Variants in CHID1 observed in about 807,000 individuals in gnomAD.
The protein encoded by CHID1 is chitinase domain-containing protein 1.
CHID1 carries 44 observed loss-of-function variants against 55.4 expected under a neutral mutation model. The observed-to-expected ratio is 0.79, with a 90% CI of 0.62 to 1.02. The LOEUF (loss-of-function observed/expected upper bound fraction) is 1.02, where lower values mean the gene tolerates loss of function less well. Among genes scored for constraint, CHID1 ranks in the 50% least tolerant of loss-of-function variants. The pLI, the probability that CHID1 is intolerant of heterozygous loss-of-function variation, is 0.00. For missense variants in CHID1, 491 were observed against 515.3 expected (o/e 0.95, Z 0.46); for synonymous variants, 216 against 212.9 (o/e 1.01, Z -0.13).
chr11:880,150 G>A (rs1248396858), intron 10 of CHID1, among the ~76,000 whole-genome samples: 2 of 152,236 alleles, frequency 1.3e-5, no homozygotes, highest in East Asian at 1.9e-4. Context: ...GGACCCAAAC[G>A]AGCCAGGGGC....
intron 9 of CHID1, 86 bp downstream of exon 9, chr11:883,982 G>T: frequency 9.6e-7 from 1 of 1,038,480 alleles, no homozygotes; most frequent in Non-Finnish European, 1.5e-6. Flanking sequence ...GAGGGCATCA[G>T]CTGTGCCCAG....
intron 7 of CHID1, among the ~76,000 whole-genome samples, chr11:894,593 C>T (rs1851119496): frequency 1.3e-5 from 2 of 152,344 alleles, no homozygotes; most frequent in East Asian, 3.9e-4. Context: ...TCTCACGCTG[C>T]AGGCCCCTGG....
Position 900,953 on chromosome 11 carries a change from G to A in CHID1, c.422C>T (p.Ala141Val). The A allele has an allele frequency of 1.2e-6, 2 of 1,602,970 alleles. No homozygotes were observed. The highest frequency in any genetic ancestry group is 1.7e-6 in the Non-Finnish European group (2 of 1,175,462). ...QGWMRAVRKH[A>V]KGLHIVPRLL... ...GCACTTACCTATGTGCAGGCCCTTG[G>A]CATGCTTCCTGACAGCTCGCATCCA... Residue 141 changes from alanine (A) to valine (V), a missense_variant, in exon 5 of 13, where the codon GCC becomes GTC. Ala to Val is a moderately conservative substitution (Grantham distance 64). Coordinates refer to ENST00000323578, the MANE Select transcript of CHID1 (RefSeq NM_023947.4).
intron 1 of CHID1, 91 bp downstream of exon 1, chr11:910,684 C>G: frequency 7.9e-7 from 1 of 1,265,842 alleles, no homozygotes; most frequent in South Asian, 1.3e-5. Flanking sequence ...CTCCCGGGGC[C>G]GAGCCTCGCT....
chr11:882,283 C>T (rs1302919918), intron 10 of CHID1: 1 of 152,226 alleles, frequency 6.6e-6, no homozygotes, highest in Non-Finnish European at 1.5e-5. Context: ...CAAGATTGCG[C>T]CACTGCACTC....
At chr11:885,924 G>C (rs894456045) in intron 8 of CHID1, among the ~76,000 whole-genome samples, 3 of 151,868 alleles carry the variant, frequency 2.0e-5, no homozygotes, top group African/African-American at 7.2e-5. Context: ...AGGCCGAGAC[G>C]GGAGGATCAC....
At chr11:899,955 G>A (rs369907776) in intron 6 of CHID1, 49 bp downstream of exon 6, 44 of 1,439,768 alleles carry the variant, frequency 3.1e-5, no homozygotes, top group Non-Finnish European at 4.2e-5. Context: ...ACGGCCAGGT[G>A]GGACCCGGGG....
At position 867,904 on chromosome 11, in the gene CHID1, A is replaced by C. The variant is rs1439870943; in HGVS notation, c.*1954T>G. 2.0e-5 allele frequency: 3 copies of C among 152,124 alleles called. No homozygotes were observed. The highest frequency in any genetic ancestry group is 4.4e-5 in the Non-Finnish European group (3 of 68,042). The allele number at this position is 152,124 out of a possible 1,614,324, so 9.4% of individuals were successfully genotyped here. A position where few individuals can be genotyped will look rare whatever the true frequency, so the allele number is the denominator to read the frequency against. On this transcript the variant is annotated 3_prime_UTR_variant, in exon 13 of 13. Coordinates refer to ENST00000323578, the MANE Select transcript of CHID1 (RefSeq NM_023947.4). The stretch of plus-strand genomic sequence containing the variant: ...TGCATCAAGGTGCCTCAGGATTCTC[A>C]CAGCCAGGGGTGAGGGTTGTGTGGG...
intron 10 of CHID1, among the ~76,000 whole-genome samples, chr11:876,754 G>A (rs576298556): frequency 4.6e-5 from 7 of 152,322 alleles, no homozygotes; most frequent in South Asian, 2.1e-4. Context: ...CTTGGCAGCC[G>A]TTTATTTATT....
chr11:879,649 C>G (rs1196600149), intron 10 of CHID1, among the ~76,000 whole-genome samples: 3 of 152,250 alleles, frequency 2.0e-5, no homozygotes, highest in African/African-American at 7.2e-5. Flanking sequence ...GTTATTTCAG[C>G]TGCCCCATCT....
chr11:913,285 G>A (rs1852793228), upstream of CHID1, among the ~76,000 whole-genome samples: 1 of 152,010 alleles, frequency 6.6e-6, no homozygotes, highest in Admixed American at 6.6e-5. Flanking sequence ...CCAAATGCTG[G>A]GATTATAGAC....
Position 910,777 on chromosome 11 carries a change from G to A in CHID1, c.-46C>T, listed in dbSNP as rs1047852206. 11 of 1,136,724 alleles carry A rather than the reference G, an allele frequency of 9.7e-6. No individual in the cohort carries two copies. The highest frequency in any genetic ancestry group is 5.1e-5 in the African/African-American group (3 of 58,468). The allele number at this position is 1,136,724 out of a possible 1,614,324, so 70.4% of individuals were successfully genotyped here. A position where few individuals can be genotyped will look rare whatever the true frequency, so the allele number is the denominator to read the frequency against. ...GGGCCGGCCGCCGCGGGGCTCACCTGCATGTCAGGGAGGCCGGACGGCCAC... is the reference window on the plus strand; with the variant it reads ...GGGCCGGCCGCCGCGGGGCTCACCTACATGTCAGGGAGGCCGGACGGCCAC... On this transcript the variant is annotated splice_region_variant and 5_prime_UTR_variant, in exon 1 of 13. An upstream open reading frame in the 5' UTR gains an earlier in-frame stop. Coordinates refer to ENST00000323578, the MANE Select transcript of CHID1 (RefSeq NM_023947.4).
At chr11:895,712 C>A (rs1415023159) in intron 7 of CHID1, among the ~76,000 whole-genome samples, 1 of 152,190 alleles carries the variant, frequency 6.6e-6, no homozygotes, top group Admixed American at 6.5e-5. Flanking sequence ...GGGACCGAAC[C>A]TGCTGAGCCC....
At chr11:898,316 C>A (rs541180521) in intron 7 of CHID1, among the ~76,000 whole-genome samples, 1 of 152,172 alleles carries the variant, frequency 6.6e-6, no homozygotes, top group Admixed American at 6.5e-5. Context: ...AGCTCAGGCC[C>A]GGGCTCTTAA....
chr11:899,972 G>T, intron 6 of CHID1, 32 bp downstream of exon 6: 4 of 1,548,452 alleles, frequency 2.6e-6, no homozygotes, highest in Non-Finnish European at 3.6e-6. Context: ...GGGGGGCTGT[G>T]CTCAGAGGCT....
intron 10 of CHID1, among the ~76,000 whole-genome samples, chr11:876,727 T>C (rs1849545162): frequency 6.6e-6 from 1 of 152,226 alleles, no homozygotes; most frequent in Non-Finnish European, 1.5e-5. Context: ...GCTGTGAGGA[T>C]GCACGTGTGA....
At chr11:904,477 C>T (rs1852061067) in intron 2 of CHID1, among the ~76,000 whole-genome samples, 1 of 152,218 alleles carries the variant, frequency 6.6e-6, no homozygotes, top group Non-Finnish European at 1.5e-5. Context: ...GGGAGGCACC[C>T]TGCTTGCCCT....
intron 10 of CHID1, among the ~76,000 whole-genome samples, chr11:879,920 G>C (rs1333173109): frequency 6.6e-6 from 1 of 152,220 alleles, no homozygotes; most frequent in Non-Finnish European, 1.5e-5. Context: ...GTGGTAAGGT[G>C]GGGGACATGA....
At chr11:903,168 A>C in intron 2 of CHID1, 57 bp from the exon 3 acceptor site, 25 of 1,557,602 alleles carry the variant, frequency 1.6e-5, no homozygotes, top group Non-Finnish European at 2.2e-5. Context: ...TGTAGAGCAC[A>C]GAGCCCCACC....
Sources: allele counts gnomAD v4.1 joint callset (sites outside exome capture counted in the v4.1 genomes callset), GRCh38; gene constraint gnomAD v4.1.1; transcripts MANE v1.5; gene names NCBI Gene and HGNC (gene_info 2026-07-23, HGNC 2026-07-21).